Variants in EXPH5 observed in about 807,000 individuals in gnomAD.
EXPH5 encodes the protein exophilin-5.
Under a neutral mutation model 41.1 loss-of-function variants are expected in EXPH5, and 42 were observed. The observed-to-expected ratio is 1.02, with a 90% CI of 0.80 to 1.32. The LOEUF is 1.32. Ranked by LOEUF, EXPH5 falls within the 40% of genes most tolerant of loss-of-function variation. The probability of loss-of-function intolerance (pLI) is 0.00; values close to 1 mark genes in which losing one functional copy is unlikely to be tolerated. For synonymous variants in EXPH5, 798 were observed against 833.5 expected, an observed-to-expected ratio of 0.96 and a Z score of 0.73; for missense variants, 2,298 against 2,314.5, an observed-to-expected ratio of 0.99 and a Z score of 0.15.
At chr11:108,534,741 C>T (rs2093868081) in intron 3 of EXPH5, among the ~76,000 whole-genome samples, 1 of 152,180 alleles carries the variant, frequency 6.6e-6, no homozygotes, top group African/African-American at 2.4e-5. Flanking sequence ...TGTCACTGTA[C>T]CCAGCTGTTA....
intron 1 of EXPH5, among the ~76,000 whole-genome samples, chr11:108,543,393 C>A (rs561651821): frequency 3.8e-4 from 58 of 152,232 alleles, no homozygotes; most frequent in African/African-American, 1.4e-3. Context: ...GGAGATGTTC[C>A]TGGATGGAGG....
At chr11:108,579,338 C>CAT (rs2094090585) in intron 1 of EXPH5, among the ~76,000 whole-genome samples, 3 of 151,936 alleles carry the variant, frequency 2.0e-5, no homozygotes, top group African/African-American at 7.3e-5. Flanking sequence ...TATGTTGAAC[C>CAT]ATCTTTGCAT....
intron 3 of EXPH5, 31 bp downstream of exon 3, chr11:108,538,993 T>C (rs566006639): frequency 6.6e-7 from 1 of 1,516,880 alleles, no homozygotes; most frequent in East Asian, 2.3e-5. Context: ...GGATAACAAA[T>C]GGGCCGTAAC....
intron 1 of EXPH5, among the ~76,000 whole-genome samples, chr11:108,568,667 G>A (rs1381227588): frequency 6.6e-6 from 1 of 152,232 alleles, no homozygotes; most frequent in South Asian, 2.1e-4. Context: ...GAATCACAAA[G>A]TATAGAGTCC....
intron 4 of EXPH5, among the ~76,000 whole-genome samples, chr11:108,525,405 G>T (rs1033830420): frequency 6.6e-6 from 1 of 152,190 alleles, no homozygotes; most frequent in Admixed American, 6.5e-5. Flanking sequence ...TAGTCAAGTG[G>T]CCCAGGCATG....
chr11:108,548,751 T>C (rs2093950584), intron 1 of EXPH5, among the ~76,000 whole-genome samples: 1 of 152,200 alleles, frequency 6.6e-6, no homozygotes. Flanking sequence ...AGTTTGTACA[T>C]TGACAATGGT....
Position 108,539,114 on chromosome 11 carries a change from C to T in EXPH5, c.353G>A (p.Arg118Gln), listed in dbSNP as rs3741046. Residue 118 changes from arginine (R) to glutamine (Q), a missense_variant, in exon 3 of 6, where the codon CGG becomes CAG. By Grantham distance (43) the Arg-to-Gln change is conservative (BLOSUM62 1). Transcript: ENST00000265843. Reference protein sequence around the residue: ...NQKKPTPFSSRMSFRSSFASL... With the variant: ...NQKKPTPFSSQMSFRSSFASL... ...AGCAAATGACGATCTGAAGCTCATC[C>T]GGGAAGAAAAAGGTGTCGGCTTTTT... 72 of 1,611,078 alleles carry T rather than the reference C, an allele frequency of 4.5e-5. No homozygotes were observed. Among genetic ancestry groups the T allele is most frequent in the East Asian group, 6.7e-5 (3 of 44,856 alleles).
At chr11:108,521,153 A>G (rs1591682068) in intron 4 of EXPH5, among the ~76,000 whole-genome samples, 1 of 152,018 alleles carries the variant, frequency 6.6e-6, no homozygotes, top group East Asian at 1.9e-4. Flanking sequence ...TCCCCACCTC[A>G]AAATTTCCCT....
At chr11:108,526,701 T>C (rs1356362667) in intron 4 of EXPH5, among the ~76,000 whole-genome samples, 2 of 152,248 alleles carry the variant, frequency 1.3e-5, no homozygotes, top group Non-Finnish European at 2.9e-5. Context: ...GAGGAGCTGC[T>C]GGCATTACTG....
At chr11:108,526,279 T>A (rs574414970) in intron 4 of EXPH5, among the ~76,000 whole-genome samples, 1 of 152,234 alleles carries the variant, frequency 6.6e-6, no homozygotes, top group East Asian at 1.9e-4. Flanking sequence ...TGGGTTCCAT[T>A]TCCCTTATTT....
chr11:108,512,259 T>C lies in EXPH5; in HGVS notation c.3248A>G (p.Lys1083Arg), dbSNP rs904874984. The change falls in exon 6 of 6, where the codon AAA (lysine) becomes AGA (arginine). Residue 1083 changes from lysine (K) to arginine (R), a missense_variant. By Grantham distance (26) the Lys-to-Arg change is conservative. Transcript: ENST00000265843. ...TTCCAGGGCTGAGTCTGAAAGGACTTTGGAACATTCATTCGCTGACTCAGG... is the reference window on the plus strand; with the variant it reads ...TTCCAGGGCTGAGTCTGAAAGGACTCTGGAACATTCATTCGCTGACTCAGG... The part of the protein sequence containing the change: ...SSPESANECS[K>R]VLSDSALEAP... The C allele has an allele frequency of 4.5e-5, 72 of 1,612,396 alleles. No individual in the cohort carries two copies. The highest frequency in any genetic ancestry group is 5.8e-5 in the Non-Finnish European group (69 of 1,179,502).
At chr11:108,593,945 C>G (rs2094134897), upstream of EXPH5, among the ~76,000 whole-genome samples, 3 of 152,146 alleles carry the variant, frequency 2.0e-5, no homozygotes, top group South Asian at 6.2e-4. Context: ...ATAATTCTGC[C>G]TCTTAAGTGA....
Position 108,514,353 on chromosome 11 carries a change from T to G in EXPH5, c.1154A>C (p.Gln385Pro). 6.2e-7 allele frequency: 1 copy of G among 1,613,710 alleles called. No individual in the cohort carries two copies. The highest frequency in any genetic ancestry group is 8.5e-7 in the Non-Finnish European group (1 of 1,179,784). The change falls in exon 6 of 6, where the codon CAG becomes CCG. Residue 385 changes from glutamine (Q) to proline (P), a missense_variant. By Grantham distance (76) the Gln-to-Pro change is moderately conservative (BLOSUM62 -1). Transcript: ENST00000265843. ...RSDSSRDREN[Q>P]EEFLRAPSPM... is the part of the protein sequence containing the mutation. ...TGATGGTGCCCTCAGGAACTCTTCC[T>G]GGTTCTCCCTGTCTCTAGAGGAATC...
the EXPH5 span, among the ~76,000 whole-genome samples, chr11:108,600,552 C>T: frequency 6.6e-6 from 1 of 152,126 alleles, no homozygotes; most frequent in South Asian, 2.1e-4. Flanking sequence ...TTGATAATTT[C>T]ATTTCTTGTT....
At position 108,518,319 on chromosome 11, in the gene EXPH5, C is replaced by G. The variant is rs751798107; in HGVS notation, c.547G>C (p.Val183Leu). 1 of 1,613,824 alleles carries G rather than the reference C, an allele frequency of 6.2e-7. No homozygotes were observed. The highest frequency in any genetic ancestry group is 8.5e-7 in the Non-Finnish European group (1 of 1,179,898). Residue 183 changes from valine to leucine, a missense_variant, in exon 5 of 6, where the codon GTC becomes CTC. Val to Leu is a conservative substitution (Grantham distance 32, BLOSUM62 1). Transcript: ENST00000265843. ...LENHLVDSTF[V>L]PKPAVMREES... is the part of the protein sequence containing the mutation. ...TCCCTCATGACTGCTGGCTTTGGGA[C>G]AAATGTACTGTCAACTAGATGATTT...
In EXPH5 at chr11:108,510,557, A is replaced by G; in HGVS notation, c.4950T>C (p.Ser1650=). ...NPLFPEPTPK[S]AESIGESRLS... ...ACCTGCTTTCGCCAATGGACTCTGC[A>G]GATTTTGGAGTAGGCTCAGGGAACA... Residue 1650 remains serine (S), a synonymous_variant, in exon 6 of 6, where the codon TCT becomes TCC. Transcript: ENST00000265843. The G allele has an allele frequency of 6.2e-7, 1 of 1,614,146 alleles. No individual in the cohort carries two copies. The highest frequency in any genetic ancestry group is 1.3e-5 in the African/African-American group (1 of 75,034).
At chr11:108,573,675 A>C (rs1190825330) in intron 1 of EXPH5, among the ~76,000 whole-genome samples, 2 of 152,238 alleles carry the variant, frequency 1.3e-5, no homozygotes, top group African/African-American at 4.8e-5. Flanking sequence ...TTTGAAAAAA[A>C]TAAATTTATA....
chr11:108,533,554 C>T (rs2093858353), intron 3 of EXPH5, among the ~76,000 whole-genome samples: 1 of 152,118 alleles, frequency 6.6e-6, no homozygotes, highest in South Asian at 2.1e-4. Context: ...TCCTTCTTGC[C>T]TCTACCTTAG....
intron 1 of EXPH5, among the ~76,000 whole-genome samples, chr11:108,580,412 G>T (rs577748895): frequency 6.6e-6 from 1 of 152,260 alleles, no homozygotes; most frequent in African/African-American, 2.4e-5. Context: ...AATAACAAAT[G>T]CTGGTGAGGA....
Sources: allele counts gnomAD v4.1 joint callset (sites outside exome capture counted in the v4.1 genomes callset), GRCh38; gene constraint gnomAD v4.1.1; transcripts MANE v1.5; gene names NCBI Gene and HGNC (gene_info 2026-07-23, HGNC 2026-07-21).